Variants in ARHGEF12 observed in about 807,000 individuals in gnomAD.
ARHGEF12 encodes the protein Rho guanine nucleotide exchange factor 12.
Under a neutral mutation model 211.2 loss-of-function variants are expected in ARHGEF12, and 66 were observed. The observed-to-expected ratio is 0.31, with a 90% confidence interval of 0.26 to 0.38. ARHGEF12 has a LOEUF of 0.38. Among genes scored for constraint, ARHGEF12 ranks in the 10% least tolerant of loss-of-function variants. ARHGEF12 has a pLI of 1.00. For missense variants in ARHGEF12, 1,429 were observed against 1,869.5 expected (o/e 0.76, Z 4.34); for synonymous variants, 592 against 638.4 (o/e 0.93, Z 1.09).
intron 28 of ARHGEF12, among the ~76,000 whole-genome samples, chr11:120,465,812 G>A (rs1946688468): frequency 6.6e-6 from 1 of 152,072 alleles, no homozygotes; most frequent in Non-Finnish European, 1.5e-5. Context: ...TTCCTGGAAG[G>A]TACAAAAATG....
intron 36 of ARHGEF12, 85 bp downstream of exon 36, chr11:120,477,611 TC>T: frequency 7.6e-7 from 1 of 1,322,894 alleles, no homozygotes; most frequent in Non-Finnish European, 1.1e-6. Flanking sequence ...ATGCCTGTAA[TC>T]CCAGTGCTTT....
chr11:120,406,927 A>C (rs1013840511), intron 2 of ARHGEF12, among the ~76,000 whole-genome samples: 2 of 152,196 alleles, frequency 1.3e-5, no homozygotes, highest in East Asian at 3.8e-4. Context: ...GCCTATATCC[A>C]TGTCTATATA....
At chr11:120,391,579 C>A (rs1025696943) in intron 1 of ARHGEF12, among the ~76,000 whole-genome samples, 12 of 152,194 alleles carry the variant, frequency 7.9e-5, no homozygotes, top group African/African-American at 2.4e-4. Flanking sequence ...TTGGAAAAAT[C>A]CAAATACTTG....
In ARHGEF12 at chr11:120,437,449, G is replaced by A. The variant is rs1945728944; in HGVS notation, c.999+67G>A. ...TTCCTTATACTTAAAGTATGGTATA[G>A]ACACATCTGATGTTTACATATTTTA... On this transcript the variant is annotated intron_variant, in intron 12 of 40. Transcript: ENST00000397843. The A allele has an allele frequency of 1.2e-5, 13 of 1,104,138 alleles. No individual in the cohort carries two copies. The Admixed American group carries it at 3.1e-4, about 26-fold the overall frequency. 68.4% of individuals were successfully genotyped at this position (1,104,138 alleles called of 1,614,324 possible). A position where few individuals can be genotyped will look rare whatever the true frequency, so the allele number is the denominator to read the frequency against.
chr11:120,353,851 G>A (rs1252840282), intron 1 of ARHGEF12, among the ~76,000 whole-genome samples: 1 of 152,120 alleles, frequency 6.6e-6, no homozygotes, highest in Non-Finnish European at 1.5e-5. Context: ...ACAGTTACCT[G>A]TTTATGCATT....
intron 11 of ARHGEF12, among the ~76,000 whole-genome samples, chr11:120,432,295 A>G (rs1016455365): frequency 2.0e-5 from 3 of 152,204 alleles, no homozygotes; most frequent in African/African-American, 7.2e-5. Flanking sequence ...ATCATGGGGC[A>G]CTTTGCCATT....
intron 16 of ARHGEF12, 55 bp from the exon 17 acceptor site, chr11:120,446,348 T>C (rs1946047386): frequency 1.4e-6 from 2 of 1,383,374 alleles, no homozygotes; most frequent in Non-Finnish European, 2.0e-6. Flanking sequence ...ATGTTGCCAA[T>C]TGTATGTTGC....
intron 1 of ARHGEF12, among the ~76,000 whole-genome samples, chr11:120,392,735 C>A (rs1434231570): frequency 6.6e-6 from 1 of 152,190 alleles, no homozygotes; most frequent in Non-Finnish European, 1.5e-5. Flanking sequence ...TGCGAAGTAG[C>A]TGTTAAGGCT....
At chr11:120,415,201 A>G (rs184190694) in intron 4 of ARHGEF12, among the ~76,000 whole-genome samples, 1 of 152,280 alleles carries the variant, frequency 6.6e-6, no homozygotes, top group Admixed American at 6.5e-5. Context: ...TGAAATTTGA[A>G]GATTGCTATT....
At chr11:120,355,033 A>G (rs1434236306) in intron 1 of ARHGEF12, among the ~76,000 whole-genome samples, 1 of 152,208 alleles carries the variant, frequency 6.6e-6, no homozygotes, top group East Asian at 1.9e-4. Flanking sequence ...TGTTAGCACT[A>G]AGGAGAACTT....
Position 120,480,200 on chromosome 11 carries a change from C to T in ARHGEF12, c.4007C>T (p.Ala1336Val), listed in dbSNP as rs1947189796. 3 of 1,614,212 alleles carry T rather than the reference C, an allele frequency of 1.9e-6. No individual in the cohort carries two copies. The highest frequency in any genetic ancestry group is 1.7e-6 in the Non-Finnish European group (2 of 1,180,036). ...CCACGGACTTCAACTGAATCTTTTG[C>T]TCCACGGGATTCAGTGGGACTGGCA... ...YSPRTSTESF[A>V]PRDSVGLAPQ... The change falls in exon 38 of 41, where the codon GCT (alanine) becomes GTT (valine). Residue 1336 changes from alanine to valine, a missense_variant. This residue lies in a region of ARHGEF12 where 467 missense variants were observed against 468.4 expected (regional missense o/e 1.00). Transcript: ENST00000397843.
intron 7 of ARHGEF12, among the ~76,000 whole-genome samples, chr11:120,427,742 G>T: frequency 6.6e-6 from 1 of 151,698 alleles, no homozygotes; most frequent in Non-Finnish European, 1.5e-5. Flanking sequence ...ATAGATGGTT[G>T]ATTTTAACAC....
intron 22 of ARHGEF12, among the ~76,000 whole-genome samples, chr11:120,453,884 C>A (rs1237945831): frequency 2.0e-5 from 3 of 152,112 alleles, no homozygotes; most frequent in African/African-American, 7.2e-5. Context: ...AGAAAAAGAG[C>A]AAAAATGATG....
At chr11:120,449,286 G>C in intron 21 of ARHGEF12, 72 bp downstream of exon 21, 1 of 1,226,822 alleles carries the variant, frequency 8.2e-7, no homozygotes, top group Non-Finnish European at 1.2e-6. Context: ...TCTTCAGCTA[G>C]AATGAATTTC....
At chr11:120,404,505 A>C (rs906139132) in intron 1 of ARHGEF12, among the ~76,000 whole-genome samples, 1 of 152,220 alleles carries the variant, frequency 6.6e-6, no homozygotes, top group African/African-American at 2.4e-5. Flanking sequence ...GATTATGATA[A>C]GCAAGTTGGA....
At chr11:120,469,502 A>G in intron 30 of ARHGEF12, 114 bp downstream of exon 30, 2 of 840,058 alleles carry the variant, frequency 2.4e-6, no homozygotes, top group South Asian at 2.1e-5. Context: ...GACAGGGAGA[A>G]CATTTGTTTA....
chr11:120,363,042 G>C (rs1428924510), intron 1 of ARHGEF12, among the ~76,000 whole-genome samples: 1 of 152,210 alleles, frequency 6.6e-6, no homozygotes, highest in Non-Finnish European at 1.5e-5. Flanking sequence ...AGAGCTTGCA[G>C]TGAGCTGAGA....
At chr11:120,403,477 A>T (rs1401324608) in intron 1 of ARHGEF12, among the ~76,000 whole-genome samples, 1 of 152,028 alleles carries the variant, frequency 6.6e-6, no homozygotes, top group Non-Finnish European at 1.5e-5. Context: ...ACTGCACTCC[A>T]GCCTGGGTGA....
intron 39 of ARHGEF12, among the ~76,000 whole-genome samples, chr11:120,484,166 G>T (rs765142905): frequency 7.9e-5 from 12 of 152,208 alleles, no homozygotes; most frequent in Admixed American, 3.3e-4. Flanking sequence ...GTGACTCCTG[G>T]GGGTGGGAGA....
Sources: gnomAD v4.1 joint callset for allele counts (sites outside exome capture counted in the v4.1 genomes callset) on GRCh38, gnomAD v4.1.1 for gene constraint, gnomAD v4.1.1 regional missense constraint, MANE v1.5 for transcripts, NCBI Gene and HGNC (gene_info 2026-07-23, HGNC 2026-07-21) for gene names.